The following GLOD5 variants were observed in gnomAD, a reference collection of about 807,000 sequenced individuals.
GLOD5 encodes glyoxalase domain containing 5.
In GLOD5, 7 loss-of-function variants were observed where a neutral mutation model predicts 9.9. The observed-to-expected ratio is 0.71, with a 90% CI of 0.40 to 1.33. GLOD5 has a LOEUF of 1.33. Ranked by LOEUF, GLOD5 falls within the 40% of genes most tolerant of loss-of-function variation. The pLI is 0.01. For synonymous variants in GLOD5, 49 were observed against 47.3 expected (o/e 1.04, Z -0.14); for missense variants, 146 against 128.4 (o/e 1.14, Z -0.66).
chrX:48,773,271 A>G, intron 3 of GLOD5, 39 bp from the exon 4 acceptor site: 1 of 1,206,554 alleles, frequency 8.3e-7, no homozygotes, highest in Non-Finnish European at 1.1e-6. Context: ...TCACACACAC[A>G]TTTTGACGAA....
intron 2 of GLOD5, among the ~76,000 whole-genome samples, chrX:48,766,718 T>A (rs1446429467): frequency 9.2e-6 from 1 of 109,120 alleles, no homozygotes; most frequent in Non-Finnish European, 1.9e-5. Flanking sequence ...ACTACAGCAC[T>A]CTAGTCTGAG....
intron 3 of GLOD5, among the ~76,000 whole-genome samples, chrX:48,772,564 T>C (rs1265227464): frequency 9.0e-6 from 1 of 110,922 alleles, no homozygotes; most frequent in African/African-American, 3.3e-5. Context: ...AAAGGGGTTT[T>C]AGTTTCCCTT....
chrX:48,771,234 A>C (rs2062621527), intron 3 of GLOD5, among the ~76,000 whole-genome samples, 152 bp downstream of exon 3: 1 of 112,402 alleles, frequency 8.9e-6, no homozygotes, highest in South Asian at 3.6e-4. Flanking sequence ...CATGTAAATA[A>C]ATGTGTTTAA....
At chrX:48,770,780 G>A (rs2062620317) in intron 2 of GLOD5, 147 bp from the exon 3 acceptor site, 1 of 401,165 alleles carries the variant, frequency 2.5e-6, no homozygotes, top group South Asian at 6.2e-5. Flanking sequence ...AATGAGCCTT[G>A]GGTGGGGCAA....
chrX:48,763,151 G>C (rs782720571), intron 1 of GLOD5, among the ~76,000 whole-genome samples: 2 of 111,639 alleles, frequency 1.8e-5, no homozygotes, highest in South Asian at 7.4e-4. Flanking sequence ...CAAGAAACTG[G>C]GAAAAGAATG....
chrX:48,765,092 T>A (rs1391242932), intron 1 of GLOD5, among the ~76,000 whole-genome samples: 2 of 110,507 alleles, frequency 1.8e-5, no homozygotes, highest in African/African-American at 6.6e-5. Context: ...TCTTGTCTTG[T>A]TCTCTGTGAC....
At chrX:48,762,065 GC>G (rs1172146642) in intron 1 of GLOD5, among the ~76,000 whole-genome samples, 2 of 111,399 alleles carry the variant, frequency 1.8e-5, no homozygotes, top group Non-Finnish European at 3.8e-5. Flanking sequence ...CTGGGCCGGG[GC>G]TGAGGGCTGG....
At chrX:48,769,307 C>T (rs1050751595) in intron 2 of GLOD5, among the ~76,000 whole-genome samples, 2 of 103,007 alleles carry the variant, frequency 1.9e-5, no homozygotes, top group East Asian at 6.1e-4. Context: ...AGTTGGAGTC[C>T]AGCCTGGGCA....
chrX:48,765,793 A>G, intron 1 of GLOD5, 42 bp from the exon 2 acceptor site: 2 of 1,184,870 alleles, frequency 1.7e-6, no homozygotes, highest in South Asian at 3.7e-5. Context: ...GGCGTTGACA[A>G]GTGGCAATGT....
At chrX:48,771,776 A>C (rs782538416) in intron 3 of GLOD5, among the ~76,000 whole-genome samples, 2 of 112,301 alleles carry the variant, frequency 1.8e-5, no homozygotes, top group South Asian at 7.4e-4. Context: ...CCTGGCCCTG[A>C]CATTACAAAG....
At chrX:48,764,356 C>T (rs782571533) in intron 1 of GLOD5, among the ~76,000 whole-genome samples, 18 of 110,483 alleles carry the variant, frequency 1.6e-4, no homozygotes, top group Admixed American at 9.7e-5. Context: ...GATGACCACA[C>T]ATCATCATCA....
At chrX:48,768,808 T>C (rs1381217007) in intron 2 of GLOD5, among the ~76,000 whole-genome samples, 1 of 110,848 alleles carries the variant, frequency 9.0e-6, no homozygotes, top group Non-Finnish European at 1.9e-5. Context: ...GATGGGTGGA[T>C]CACTTGAGGT....
chrX:48,764,116 G>C (rs1557016310), intron 1 of GLOD5, among the ~76,000 whole-genome samples: 1 of 112,504 alleles, frequency 8.9e-6, no homozygotes, highest in African/African-American at 3.2e-5. Flanking sequence ...GATTGAACTA[G>C]TTGTTTGGGA....
At chrX:48,764,552 CT>C (rs1163188143) in intron 1 of GLOD5, among the ~76,000 whole-genome samples, 148 of 91,655 alleles carry the variant, frequency 1.6e-3, no homozygotes, top group Admixed American at 2.5e-3. Context: ...CCAGAATCTT[CT>C]TTTTTTTTTT....
chrX:48,771,107 G>A (rs782057938), intron 3 of GLOD5, 25 bp downstream of exon 3: 10 of 1,126,220 alleles, frequency 8.9e-6, no homozygotes, highest in Non-Finnish European at 1.2e-5. Flanking sequence ...TCTTCTTTTT[G>A]CAAAAGCTGC....
chrX:48,773,209 G>A, intron 3 of GLOD5, 101 bp from the exon 4 acceptor site: 1 of 959,935 alleles, frequency 1.0e-6, no homozygotes, highest in Non-Finnish European at 1.5e-6. Context: ...CAGCCTGGGT[G>A]ACGGAGCGAG....
At chrX:48,770,275 AAAT>A (rs201065515) in intron 2 of GLOD5, among the ~76,000 whole-genome samples, 24,028 of 109,911 alleles carry the variant, frequency 0.22, 2,198 homozygotes, top group African/African-American at 0.32. Flanking sequence ...ACTCTGTCTC[AAAT>A]AATAATAAAT....
chrX:48,764,549 CTTCT>C (rs1458855212), intron 1 of GLOD5, among the ~76,000 whole-genome samples: 2 of 98,811 alleles, frequency 2.0e-5, no homozygotes, highest in East Asian at 3.1e-4. Flanking sequence ...GTTCCAGAAT[CTTCT>C]TTTTTTTTTT....
intron 2 of GLOD5, among the ~76,000 whole-genome samples, chrX:48,767,840 A>C (rs1415794332): frequency 9.0e-6 from 1 of 111,707 alleles, no homozygotes; most frequent in Non-Finnish European, 1.9e-5. Flanking sequence ...AGGTGTATAT[A>C]TCCCTATACC....
Sources: gnomAD v4.1 joint callset for allele counts (sites outside exome capture counted in the v4.1 genomes callset) on GRCh38, gnomAD v4.1.1 for gene constraint, MANE v1.5 for transcripts, NCBI Gene and HGNC (gene_info 2026-07-23, HGNC 2026-07-21) for gene names.